FSTL5: variants seen among roughly 807,000 people sequenced by gnomAD.
FSTL5 encodes follistatin-related protein 5.
Under a neutral mutation model 89.1 loss-of-function variants are expected in FSTL5, and 62 were observed. The observed-to-expected ratio is 0.70, with a 90% CI of 0.57 to 0.86. The LOEUF (loss-of-function observed/expected upper bound fraction) is 0.86. Ranked by LOEUF, FSTL5 falls within the 40% of genes least tolerant of loss-of-function variation. The probability of loss-of-function intolerance (pLI) is 0.00; values close to 1 mark genes in which losing one functional copy is unlikely to be tolerated. For missense variants in FSTL5, 1,057 were observed against 1,001.6 expected, an observed-to-expected ratio of 1.06 and a Z score of -0.75; for synonymous variants, 383 against 346.2, an observed-to-expected ratio of 1.11 and a Z score of -1.18.
At chr4:161,514,450 T>C (rs923105809) in intron 10 of FSTL5, among the ~76,000 whole-genome samples, 2 of 151,934 alleles carry the variant, frequency 1.3e-5, no homozygotes, top group Non-Finnish European at 2.9e-5. Context: ...AAAGAAACAA[T>C]AGACATTAGT....
At chr4:161,848,844 C>T (rs1731461211) in intron 4 of FSTL5, among the ~76,000 whole-genome samples, 1 of 152,112 alleles carries the variant, frequency 6.6e-6, no homozygotes, top group South Asian at 2.1e-4. Context: ...GCACATCTCA[C>T]TTTTACTTGC....
chr4:161,743,306 T>C (rs1019914754), intron 6 of FSTL5, among the ~76,000 whole-genome samples: 3 of 152,192 alleles, frequency 2.0e-5, no homozygotes, highest in African/African-American at 7.2e-5. Context: ...TATTTCTCCA[T>C]TGAATGGTTT....
chr4:161,828,767 G>T (rs778986650), intron 4 of FSTL5, among the ~76,000 whole-genome samples: 1 of 151,958 alleles, frequency 6.6e-6, no homozygotes, highest in Non-Finnish European at 1.5e-5. Flanking sequence ...TATGTACTTT[G>T]TCTCTAAATT....
chr4:161,609,620 AT>A (rs879517846), intron 7 of FSTL5, among the ~76,000 whole-genome samples: 173 of 147,966 alleles, frequency 1.2e-3, no homozygotes, highest in African/African-American at 2.4e-3. Flanking sequence ...AATGGTCTAA[AT>A]TTTTTTTTTT....
intron 3 of FSTL5, among the ~76,000 whole-genome samples, chr4:161,954,189 C>A (rs1428028430): frequency 6.6e-5 from 10 of 151,418 alleles, no homozygotes; most frequent in Non-Finnish European, 1.3e-4. Flanking sequence ...GGGACAGATC[C>A]ACAATATACA....
At chr4:161,676,407 A>G (rs1321845141) in intron 6 of FSTL5, among the ~76,000 whole-genome samples, 3 of 152,130 alleles carry the variant, frequency 2.0e-5, no homozygotes, top group Non-Finnish European at 2.9e-5. Context: ...AAAAGAACAG[A>G]AAATCAAACA....
intron 7 of FSTL5, among the ~76,000 whole-genome samples, chr4:161,610,727 C>T (rs937348313): frequency 1.3e-5 from 2 of 152,070 alleles, no homozygotes; most frequent in Non-Finnish European, 2.9e-5. Context: ...TAAAGGGAGC[C>T]TGCTGACACA....
At chr4:161,619,890 G>T (rs1435800001) in intron 7 of FSTL5, among the ~76,000 whole-genome samples, 2 of 151,850 alleles carry the variant, frequency 1.3e-5, no homozygotes, top group African/African-American at 4.8e-5. Context: ...ACATGCACAC[G>T]TATGTTTATT....
intron 4 of FSTL5, among the ~76,000 whole-genome samples, chr4:161,874,657 G>T (rs1333928650): frequency 1.3e-5 from 2 of 149,908 alleles, no homozygotes; most frequent in Non-Finnish European, 3.0e-5. Flanking sequence ...ATTCAGGGTA[G>T]TACCTTGGGG....
intron 3 of FSTL5, among the ~76,000 whole-genome samples, chr4:161,939,861 A>C (rs1734530988): frequency 6.6e-6 from 1 of 151,930 alleles, no homozygotes; most frequent in African/African-American, 2.4e-5. Flanking sequence ...AAAGTCAAGC[A>C]TAAACTGTCA....
At chr4:161,751,146 C>T (rs1740377743) in intron 6 of FSTL5, among the ~76,000 whole-genome samples, 1 of 151,918 alleles carries the variant, frequency 6.6e-6, no homozygotes, top group Non-Finnish European at 1.5e-5. Context: ...AGTGGTATCC[C>T]ATTAAGGTAA....
intron 3 of FSTL5, among the ~76,000 whole-genome samples, chr4:161,939,726 A>G (rs1261500928): frequency 6.6e-6 from 1 of 152,020 alleles, no homozygotes; most frequent in Admixed American, 6.6e-5. Flanking sequence ...GAATTACTGA[A>G]CAAGCACTAA....
chr4:162,069,715 A>G (rs757418184), intron 2 of FSTL5, among the ~76,000 whole-genome samples: 2 of 151,946 alleles, frequency 1.3e-5, no homozygotes, highest in Non-Finnish European at 2.9e-5. Context: ...GTCACGAATG[A>G]CAAGATTTCA....
intron 4 of FSTL5, among the ~76,000 whole-genome samples, chr4:161,890,699 A>C (rs1732960538): frequency 6.6e-6 from 1 of 151,812 alleles, no homozygotes; most frequent in Admixed American, 6.6e-5. Context: ...AAAAAAAAAA[A>C]AAAAAAACAG....
chr4:161,759,323 G>T, intron 6 of FSTL5, 88 bp downstream of exon 6: 1 of 1,220,300 alleles, frequency 8.2e-7, no homozygotes, highest in Non-Finnish European at 1.1e-6. Context: ...GAAACAGCTT[G>T]TACTATGAGA....
chr4:161,674,189 T>A (rs1737220364), intron 6 of FSTL5, among the ~76,000 whole-genome samples: 1 of 152,060 alleles, frequency 6.6e-6, no homozygotes, highest in Non-Finnish European at 1.5e-5. Context: ...TATACAGATA[T>A]ATAAACATAT....
At chr4:161,561,221 A>G (rs1262546874) in intron 8 of FSTL5, among the ~76,000 whole-genome samples, 1 of 152,004 alleles carries the variant, frequency 6.6e-6, no homozygotes, top group African/African-American at 2.4e-5. Context: ...ATAGATACAT[A>G]GATAGATAGA....
chr4:161,600,148 A>C (rs1289754694), intron 7 of FSTL5, among the ~76,000 whole-genome samples: 3 of 128,192 alleles, frequency 2.3e-5, no homozygotes, highest in African/African-American at 8.5e-5. Context: ...CCCCAAGCAC[A>C]ATGTCAATAA....
intron 7 of FSTL5, among the ~76,000 whole-genome samples, chr4:161,607,924 TAAA>T (rs961096113): frequency 6.6e-6 from 1 of 152,176 alleles, no homozygotes; most frequent in African/African-American, 2.4e-5. Flanking sequence ...CTGTGCTTCT[TAAA>T]GAAGTGTTGT....
Sources: gnomAD v4.1 joint callset for allele counts (sites outside exome capture counted in the v4.1 genomes callset) on GRCh38, gnomAD v4.1.1 for gene constraint, MANE v1.5 for transcripts, NCBI Gene and HGNC (gene_info 2026-07-23, HGNC 2026-07-21) for gene names.